Variants in NKD2 observed in about 807,000 individuals in gnomAD.
NKD2 encodes the protein protein naked cuticle homolog 2.
Under a neutral mutation model 34.8 loss-of-function variants are expected in NKD2, and 43 were observed. The ratio of observed to expected loss-of-function variants is 1.24; its 90% confidence interval spans 0.97 to 1.60. NKD2 has a LOEUF of 1.60. NKD2 is among the 40% of genes most tolerant of loss of function. The pLI, the probability that NKD2 is intolerant of heterozygous loss-of-function variation, is 0.00. For missense variants in NKD2, 675 were observed against 627.1 expected (o/e 1.08, Z -0.82); for synonymous variants, 278 against 265.1 (o/e 1.05, Z -0.47).
At chr5:1,034,154 C>T (rs1560997872) in intron 5 of NKD2, 81 bp from the exon 6 acceptor site, 3 of 1,025,260 alleles carry the variant, frequency 2.9e-6, no homozygotes, top group Middle Eastern at 2.9e-4. Flanking sequence ...GGGAAAGGCC[C>T]CAGAAGATCC....
intron 3 of NKD2, among the ~76,000 whole-genome samples, chr5:1,015,958 G>A (rs528135979): frequency 3.3e-5 from 5 of 152,324 alleles, no homozygotes; most frequent in Admixed American, 6.5e-5. Flanking sequence ...CTTCTGAGCC[G>A]TCGTCTGTCA....
chr5:1,033,765 T>G lies in NKD2; in HGVS notation c.330+266T>G, dbSNP rs376594912. 1.1e-4 allele frequency among the ~76,000 whole-genome samples: 16 copies of G among 152,354 alleles called. No homozygotes were observed. In the East Asian group the frequency reaches 2.3e-3, roughly 22 times the overall value. ...AATAACTTGAGCCGCATTCCCAGCC[T>G]TGGTGCCCTTGGCACTACAGGAGTA... On this transcript the variant is annotated intron_variant, in intron 5 of 9. Coordinates refer to ENST00000296849, the MANE Select transcript of NKD2 (RefSeq NM_033120.4).
intron 3 of NKD2, among the ~76,000 whole-genome samples, chr5:1,028,264 C>T (rs2150741744): frequency 6.6e-6 from 1 of 152,218 alleles, no homozygotes. Context: ...ACCAGGGTGG[C>T]CTTCCTGAGC....
At position 1,033,427 on chromosome 5, in the gene NKD2, C is replaced by A. The variant is rs761289660; in HGVS notation, c.258C>A (p.Ser86Arg). The stretch of plus-strand genomic sequence containing the variant: ...GCGAGCACCCGGGACAACTCCTCAG[C>A]GCAGATGACGGAGAGAGGGCAGCAA... ...EGREHPGQLL[S>R]ADDGERAANR... Residue 86 changes from serine (S) to arginine (R), a missense_variant, in exon 5 of 10, where the codon AGC becomes AGA. Transcript: ENST00000296849. 4 of 1,586,238 alleles carry A rather than the reference C, an allele frequency of 2.5e-6. No homozygotes were observed. The highest frequency in any genetic ancestry group is 2.3e-5 in the South Asian group (2 of 86,916).
chr5:1,033,440 G>C lies in NKD2; in HGVS notation c.271G>C (p.Glu91Gln). 6.3e-7 allele frequency: 1 copy of C among 1,577,660 alleles called. No individual in the cohort carries two copies. The highest frequency in any genetic ancestry group is 8.6e-7 in the Non-Finnish European group (1 of 1,162,422). ...PGQLLSADDG[E>Q]RAANREGPRG... ...ACAACTCCTCAGCGCAGATGACGGA[G>C]AGAGGGCAGCAAACCGCGAGGGCCC... Residue 91 changes from glutamate (E) to glutamine (Q), a missense_variant, in exon 5 of 10, where the codon GAG becomes CAG. Transcript: ENST00000296849.
At position 1,013,307 on chromosome 5, in the gene NKD2, A is replaced by C. The variant is rs148649482; in HGVS notation, c.141+3747A>C. On this transcript the variant is annotated intron_variant, in intron 3 of 9. Transcript: ENST00000296849. ...GGGGCTTTGTGTCAGAGCCGGCGGCAGCTGCAGTGTGTCATGGCTGCCCTT... is the reference window on the plus strand; with the variant it reads ...GGGGCTTTGTGTCAGAGCCGGCGGCCGCTGCAGTGTGTCATGGCTGCCCTT... 4.1e-3 allele frequency among the ~76,000 whole-genome samples: 630 copies of C among 152,312 alleles called. 8 individuals are homozygous for C. Among genetic ancestry groups the C allele is most frequent in the African/African-American group, 0.015 (609 of 41,566 alleles).
rs1487009378 is a variant in NKD2, at chr5:1,038,496, C to T, written c.*123C>T. On this transcript the variant is annotated 3_prime_UTR_variant, in exon 10 of 10. Coordinates refer to ENST00000296849, the MANE Select transcript of NKD2 (RefSeq NM_033120.4). The surrounding 1 kb of genome is among the most constrained non-coding windows in gnomAD (Gnocchi z 4.5). ...AGCCCCCACCCCCCACCTCCGACAG[C>T]AAACAGCAACTGACTGCAGGTGCTG... The T allele has an allele frequency of 2.0e-6, 3 of 1,523,690 alleles. No homozygotes were observed. Among genetic ancestry groups the T allele is most frequent in the Non-Finnish European group, 2.6e-6 (3 of 1,136,264 alleles). 94.4% of individuals were successfully genotyped at this position (1,523,690 alleles called of 1,614,324 possible). A position where few individuals can be genotyped will look rare whatever the true frequency, so the allele number is the denominator to read the frequency against.
chr5:1,019,716 G>A (rs1176065317), intron 3 of NKD2, among the ~76,000 whole-genome samples: 1 of 152,216 alleles, frequency 6.6e-6, no homozygotes, highest in African/African-American at 2.4e-5. Context: ...GGACATCGAC[G>A]TTGCATGTTC....
At chr5:1,022,331 CCCGCTGTGGGTG>C (rs2150735406) in intron 3 of NKD2, among the ~76,000 whole-genome samples, 1 of 96,996 alleles carries the variant, frequency 1.0e-5, no homozygotes, top group East Asian at 3.3e-4. Context: ...GCTCTTCCCA[CCCGCTGTGGGTG>C]TCTCAGCCCA....
intron 3 of NKD2, among the ~76,000 whole-genome samples, chr5:1,020,235 GT>G (rs1756119827): frequency 1.3e-5 from 2 of 152,284 alleles, no homozygotes; most frequent in South Asian, 4.1e-4. Flanking sequence ...TTTCGGCAGA[GT>G]TTATGATCAC....
chr5:1,033,620 C>T, intron 5 of NKD2, 121 bp downstream of exon 5: 2 of 1,205,680 alleles, frequency 1.7e-6, no homozygotes, highest in Non-Finnish European at 2.3e-6. Context: ...CAGTCTTCCC[C>T]ACAGTTCACC....
At position 1,037,987 on chromosome 5, in the gene NKD2, A is replaced by C; in HGVS notation, c.970A>C (p.Lys324Gln). 6.2e-7 allele frequency: 1 copy of C among 1,606,130 alleles called. No individual in the cohort carries two copies. The highest frequency in any genetic ancestry group is 8.5e-7 in the Non-Finnish European group (1 of 1,177,952). ...ARALDTQPRP[K>Q]GPEKQFLKSP... The stretch of plus-strand genomic sequence containing the variant: ...GGCCCTGGACACGCAGCCCCGGCCG[A>C]AGGGGCCGGAGAAGCAGTTCCTCAA... The change falls in exon 10 of 10, where the codon AAG becomes CAG. Residue 324 changes from lysine to glutamine, a missense_variant. By Grantham distance (53) the Lys-to-Gln change is moderately conservative (BLOSUM62 1). Coordinates refer to ENST00000296849, the MANE Select transcript of NKD2 (RefSeq NM_033120.4).
intron 3 of NKD2, among the ~76,000 whole-genome samples, chr5:1,029,833 C>T (rs925652311): frequency 6.6e-6 from 1 of 152,218 alleles, no homozygotes; most frequent in Non-Finnish European, 1.5e-5. Flanking sequence ...ATGTGGCCTC[C>T]ATGAGTGACC....
chr5:1,030,881 G>A (rs1374913539), intron 3 of NKD2, among the ~76,000 whole-genome samples: 1 of 152,208 alleles, frequency 6.6e-6, no homozygotes, highest in East Asian at 1.9e-4. Flanking sequence ...GCTCTGGGGG[G>A]CCCTTGGCTC....
At position 1,034,330 on chromosome 5, in the gene NKD2, G is replaced by A; in HGVS notation, c.426G>A (p.Glu142=). 9 of 1,610,812 alleles carry A rather than the reference G, an allele frequency of 5.6e-6. No homozygotes were observed. Among genetic ancestry groups the A allele is most frequent in the Non-Finnish European group, 7.6e-6 (9 of 1,178,142 alleles). The change falls in exon 6 of 10, where the codon GAG becomes GAA. Residue 142 remains glutamate, a splice_region_variant and synonymous_variant. Coordinates refer to ENST00000296849, the MANE Select transcript of NKD2 (RefSeq NM_033120.4). ...ACAACTGCGGGAAGGTCACCAGGGAGGTAGGTGAGCTTGTGTTTGCGTCAG... is the reference window on the plus strand; with the variant it reads ...ACAACTGCGGGAAGGTCACCAGGGAAGTAGGTGAGCTTGTGTTTGCGTCAG... ...DFDNCGKVTR[E]DMSSLMHTIY...
In NKD2 at chr5:1,037,031, G is replaced by A. The variant is rs1734011976; in HGVS notation, c.787+647G>A. On this transcript the variant is annotated intron_variant, in intron 9 of 9. Transcript: ENST00000296849. The stretch of plus-strand genomic sequence containing the variant: ...TGGATGGCGGGCAATGTGGATGGCA[G>A]GCAGGCAGTGTGGACGGCGGGCAGT... The A allele has an allele frequency of 8.4e-6, 3 of 356,968 alleles. No individual in the cohort carries two copies. The Admixed American group carries it at 9.5e-5, about 11-fold the overall frequency. 22.1% of individuals were successfully genotyped at this position (356,968 alleles called of 1,614,324 possible).
intron 3 of NKD2, among the ~76,000 whole-genome samples, chr5:1,011,363 G>A (rs1340226501): frequency 6.6e-6 from 1 of 152,214 alleles, no homozygotes; most frequent in Middle Eastern, 3.2e-3. Context: ...CCTGGCAGCT[G>A]TTCCCCCTGC....
intron 3 of NKD2, among the ~76,000 whole-genome samples, chr5:1,014,988 T>A (rs560294750): frequency 1.3e-5 from 2 of 152,184 alleles, no homozygotes; most frequent in East Asian, 1.9e-4. Context: ...CCTGGCCACA[T>A]CCCTCGTGCC....
rs1756399335 is a variant in NKD2, at chr5:1,026,357, C to CCG, written c.142-5794_142-5793insGC. On this transcript the variant is annotated intron_variant, in intron 3 of 9. Transcript: ENST00000296849. ...GGTCCATTGTCCCTGCTCTTCCCAC[C>CCG]CTCTGTGGGCGTCTCGGCCCATTGT... Among the ~76,000 whole-genome samples the CCG allele has an allele frequency of 2.3e-5, 2 of 87,802 alleles. 1 individual carries two copies. The highest frequency in any genetic ancestry group is 8.1e-5 in the African/African-American group (2 of 24,634). 57.6% of individuals were successfully genotyped at this position (87,802 alleles called of 152,430 possible).
Sources: gnomAD v4.1 joint callset for allele counts (sites outside exome capture counted in the v4.1 genomes callset) on GRCh38, gnomAD v4.1.1 for gene constraint, Gnocchi (gnomAD v3.1) non-coding constraint, MANE v1.5 for transcripts, NCBI Gene and HGNC (gene_info 2026-07-23, HGNC 2026-07-21) for gene names.